KCNJ6: variants seen among roughly 807,000 people sequenced by gnomAD.
KCNJ6 encodes the protein potassium inwardly rectifying channel subfamily J member 6, also known as G protein-activated inward rectifier potassium channel 2.
KCNJ6 carries 9 observed loss-of-function variants against 34.2 expected under a neutral mutation model. The observed-to-expected ratio is 0.26, with a 90% CI of 0.16 to 0.46. KCNJ6 has a LOEUF of 0.46. Among genes scored for constraint, KCNJ6 ranks in the 20% least tolerant of loss-of-function variants. KCNJ6 has a pLI of 1.00. For missense variants in KCNJ6, 236 were observed against 531.3 expected (o/e 0.44, Z 5.46); for synonymous variants, 196 against 207.1 (o/e 0.95, Z 0.46).
chr21:37,805,561 G>A (rs933794927), intron 2 of KCNJ6, among the ~76,000 whole-genome samples: 2 of 151,926 alleles, frequency 1.3e-5, no homozygotes, highest in African/African-American at 4.8e-5. Flanking sequence ...TGAGCCCCCT[G>A]AAGTCCCTGC....
At chr21:37,750,484 G>A (rs2054989733) in intron 2 of KCNJ6, among the ~76,000 whole-genome samples, 2 of 152,204 alleles carry the variant, frequency 1.3e-5, no homozygotes, top group African/African-American at 2.4e-5. Flanking sequence ...CAACCTAAAC[G>A]CCCATCAATG....
At chr21:37,659,522 G>C (rs1461066246) in intron 3 of KCNJ6, among the ~76,000 whole-genome samples, 1 of 152,232 alleles carries the variant, frequency 6.6e-6, no homozygotes, top group East Asian at 1.9e-4. Flanking sequence ...AAAAGAGAAA[G>C]AAGAGCGGAA....
At chr21:37,770,434 A>G (rs935616205) in intron 2 of KCNJ6, among the ~76,000 whole-genome samples, 5 of 152,200 alleles carry the variant, frequency 3.3e-5, no homozygotes, top group African/African-American at 1.2e-4. Context: ...AAGGGGATTA[A>G]TATACCACTT....
intron 1 of KCNJ6, among the ~76,000 whole-genome samples, chr21:37,845,127 C>T (rs887944809): frequency 6.6e-6 from 1 of 152,182 alleles, no homozygotes; most frequent in African/African-American, 2.4e-5. Flanking sequence ...CCTGAACATG[C>T]TTTGATAGAC....
intron 1 of KCNJ6, among the ~76,000 whole-genome samples, chr21:37,906,631 C>T (rs999177365): frequency 6.6e-6 from 1 of 152,184 alleles, no homozygotes; most frequent in Admixed American, 6.5e-5. Flanking sequence ...AACCACTGAC[C>T]TCAGCTGACT....
chr21:37,642,623 G>C (rs2054386134), intron 3 of KCNJ6, among the ~76,000 whole-genome samples: 1 of 147,854 alleles, frequency 6.8e-6, no homozygotes, highest in Non-Finnish European at 1.5e-5. Flanking sequence ...GAAGGCAAAA[G>C]TTAGCAAGGG....
chr21:37,697,406 A>T (rs1032697116), intron 3 of KCNJ6, among the ~76,000 whole-genome samples: 3 of 152,188 alleles, frequency 2.0e-5, no homozygotes, highest in African/African-American at 7.2e-5. Context: ...AAAGACAGAG[A>T]ACAAAGCAAG....
chr21:37,843,758 C>T (rs1436183083), intron 1 of KCNJ6, among the ~76,000 whole-genome samples: 2 of 152,018 alleles, frequency 1.3e-5, no homozygotes, highest in Non-Finnish European at 2.9e-5. Flanking sequence ...GTGTGATGTG[C>T]CAGGAAAGGA....
At chr21:37,673,762 C>G (rs1250991480) in intron 3 of KCNJ6, among the ~76,000 whole-genome samples, 1 of 152,150 alleles carries the variant, frequency 6.6e-6, no homozygotes, top group Non-Finnish European at 1.5e-5. Context: ...GCAGGGAAGT[C>G]TTTACAAAAG....
chr21:37,638,876 A>G (rs1224012154), intron 3 of KCNJ6, among the ~76,000 whole-genome samples: 2 of 152,242 alleles, frequency 1.3e-5, no homozygotes, highest in Non-Finnish European at 2.9e-5. Flanking sequence ...AATTCTCAAC[A>G]ACCTGTATAT....
chr21:37,707,867 G>A (rs1449520598), intron 3 of KCNJ6, among the ~76,000 whole-genome samples: 1 of 151,620 alleles, frequency 6.6e-6, no homozygotes, highest in Non-Finnish European at 1.5e-5. Flanking sequence ...AACTCTATTT[G>A]TTTAAGGATA....
At chr21:37,726,429 C>A (rs972077320) in intron 2 of KCNJ6, among the ~76,000 whole-genome samples, 1 of 151,938 alleles carries the variant, frequency 6.6e-6, no homozygotes, top group Non-Finnish European at 1.5e-5. Context: ...GGAAAAAGCA[C>A]GTGGTACATG....
intron 2 of KCNJ6, among the ~76,000 whole-genome samples, chr21:37,822,404 C>A (rs1052928963): frequency 2.0e-5 from 3 of 152,116 alleles, no homozygotes; most frequent in Non-Finnish European, 4.4e-5. Context: ...TTTCCCCCAA[C>A]ACCAGACAGC....
intron 3 of KCNJ6, among the ~76,000 whole-genome samples, chr21:37,709,451 T>G (rs925497275): frequency 6.6e-6 from 1 of 151,760 alleles, no homozygotes; most frequent in Admixed American, 6.6e-5. Context: ...GAGGCGGAGG[T>G]TGCAGTGAGC....
intron 2 of KCNJ6, among the ~76,000 whole-genome samples, chr21:37,780,468 T>C (rs1415111706): frequency 6.6e-6 from 1 of 151,942 alleles, no homozygotes; most frequent in East Asian, 1.9e-4. Context: ...CTGTGGACTC[T>C]AGCTGATAAT....
At chr21:37,664,901 T>A (rs186863876) in intron 3 of KCNJ6, among the ~76,000 whole-genome samples, 1 of 149,754 alleles carries the variant, frequency 6.7e-6, no homozygotes. Flanking sequence ...GTTCACACCA[T>A]TCTCCTGCCT....
intron 2 of KCNJ6, among the ~76,000 whole-genome samples, chr21:37,777,082 C>T (rs370925058): frequency 8.0e-4 from 121 of 152,004 alleles, no homozygotes; most frequent in African/African-American, 2.6e-3. Flanking sequence ...CTTGGGAGGG[C>T]GTATGTGTCG....
intron 2 of KCNJ6, among the ~76,000 whole-genome samples, chr21:37,744,117 A>T (rs1356243759): frequency 1.4e-5 from 2 of 140,154 alleles, no homozygotes; most frequent in African/African-American, 2.6e-5. Flanking sequence ...AACAATGAGA[A>T]CACATGGACA....
intron 3 of KCNJ6, among the ~76,000 whole-genome samples, chr21:37,665,268 T>C (rs1349041461): frequency 2.6e-5 from 4 of 152,208 alleles, no homozygotes; most frequent in African/African-American, 4.8e-5. Context: ...GTAACTATTA[T>C]TATCATTATT....
Sources: allele counts gnomAD v4.1 joint callset (sites outside exome capture counted in the v4.1 genomes callset), GRCh38; gene constraint gnomAD v4.1.1; transcripts MANE v1.5; gene names NCBI Gene and HGNC (gene_info 2026-07-23, HGNC 2026-07-21).